The following HMGCLL1 variants were observed in gnomAD, a reference collection of about 807,000 sequenced individuals.
HMGCLL1 encodes the protein 3-hydroxymethyl-3-methylglutaryl-CoA lyase, cytoplasmic.
In HMGCLL1, 36 loss-of-function variants were observed where a neutral mutation model predicts 39.1. The observed-to-expected ratio is 0.92, with a 90% CI of 0.71 to 1.22. The LOEUF (loss-of-function observed/expected upper bound fraction) is 1.22. Ranked by LOEUF, HMGCLL1 falls within the 50% of genes most tolerant of loss-of-function variation. The pLI is 0.00. For synonymous variants in HMGCLL1, 149 were observed against 144.0 expected (o/e 1.03, Z -0.25); for missense variants, 451 against 416.5 (o/e 1.08, Z -0.72).
the HMGCLL1 span, among the ~76,000 whole-genome samples, chr6:55,609,554 G>A: frequency 2.6e-5 from 4 of 152,104 alleles, no homozygotes. Flanking sequence ...AGGAGAAGGG[G>A]TAACCATAGC....
intron 3 of HMGCLL1, among the ~76,000 whole-genome samples, chr6:55,533,251 T>C (rs1198420530): frequency 6.6e-6 from 1 of 151,010 alleles, no homozygotes. Context: ...GTATCCAAAA[T>C]ATGTACTATT....
intron 7 of HMGCLL1, among the ~76,000 whole-genome samples, chr6:55,490,725 T>A (rs902345830): frequency 2.0e-5 from 3 of 152,160 alleles, no homozygotes; most frequent in Non-Finnish European, 2.9e-5. Flanking sequence ...AACAGCTTTT[T>A]CCAACTATCC....
chr6:55,635,825 A>G, the HMGCLL1 span, among the ~76,000 whole-genome samples: 5 of 152,192 alleles, frequency 3.3e-5, no homozygotes, highest in Admixed American at 3.3e-4. Flanking sequence ...CTGAACACAA[A>G]GAATAGTGAC....
chr6:55,464,668 G>A (rs1764722775), intron 7 of HMGCLL1, among the ~76,000 whole-genome samples: 1 of 152,052 alleles, frequency 6.6e-6, no homozygotes. Context: ...ACCAGTTTAA[G>A]AGATTTGACA....
At position 55,499,310 on chromosome 6, in the gene HMGCLL1, A is replaced by C. The variant is rs768333394; in HGVS notation, c.543-11T>G. The C allele has an allele frequency of 1.3e-6, 2 of 1,585,514 alleles. No individual in the cohort carries two copies. The highest frequency in any genetic ancestry group is 2.3e-5 in the East Asian group (1 of 44,192). ...GCACAAGACACATACCTAAATTAAA[A>C]ATACAGCCTTATAAATATGCATATG... is the stretch of plus-strand genomic sequence containing the variant. On this transcript the variant is annotated splice_polypyrimidine_tract_variant and intron_variant, in intron 5 of 8. Transcript: ENST00000274901.
At chr6:55,629,263 T>C in the HMGCLL1 span, among the ~76,000 whole-genome samples, 11 of 152,320 alleles carry the variant, frequency 7.2e-5, no homozygotes, top group African/African-American at 2.6e-4. Flanking sequence ...AAGGTGACTC[T>C]TGTTATGTTC....
intron 7 of HMGCLL1, among the ~76,000 whole-genome samples, chr6:55,481,214 TA>T (rs1037172102): frequency 7.2e-5 from 11 of 151,790 alleles, no homozygotes; most frequent in Non-Finnish European, 1.6e-4. Context: ...ACCCTGTCTC[TA>T]AAAAAATACA....
At chr6:55,445,539 G>A (rs1303919630) in intron 7 of HMGCLL1, among the ~76,000 whole-genome samples, 1 of 151,912 alleles carries the variant, frequency 6.6e-6, no homozygotes, top group African/African-American at 2.4e-5. Context: ...AGGCCACTTA[G>A]CTAATTTTCC....
At chr6:55,547,062 CA>C (rs1400763303) in intron 1 of HMGCLL1, among the ~76,000 whole-genome samples, 2 of 152,120 alleles carry the variant, frequency 1.3e-5, no homozygotes, top group South Asian at 2.1e-4. Flanking sequence ...GTGAGGTAGG[CA>C]GACCTGAAAG....
At chr6:55,667,909 A>T in the HMGCLL1 span, among the ~76,000 whole-genome samples, 7,951 of 149,150 alleles carry the variant, frequency 0.053, 340 homozygotes, top group Non-Finnish European at 0.076. Flanking sequence ...TTTTTTTTTT[A>T]TTTTTTGATT....
At chr6:55,641,838 C>T in the HMGCLL1 span, among the ~76,000 whole-genome samples, 1 of 147,170 alleles carries the variant, frequency 6.8e-6, no homozygotes, top group Non-Finnish European at 1.5e-5. Flanking sequence ...AGGTATTTCA[C>T]ATTCCCTCAT....
intron 1 of HMGCLL1, among the ~76,000 whole-genome samples, chr6:55,553,214 T>C (rs1454242355): frequency 5.0e-5 from 7 of 139,550 alleles, no homozygotes; most frequent in East Asian, 4.3e-4. Context: ...TACACACACA[T>C]ATATGTATAT....
the HMGCLL1 span, among the ~76,000 whole-genome samples, chr6:55,676,205 GAACA>G: frequency 6.6e-6 from 1 of 151,896 alleles, no homozygotes; most frequent in Admixed American, 6.6e-5. Flanking sequence ...GCACATCACA[GAACA>G]AACACTCTTA....
chr6:55,536,336 C>T (rs1024151520), intron 3 of HMGCLL1, among the ~76,000 whole-genome samples: 2 of 152,124 alleles, frequency 1.3e-5, no homozygotes, highest in African/African-American at 4.8e-5. Context: ...TTGCCTATGG[C>T]ATACATAAAT....
chr6:55,571,369 T>G (rs1417123277), intron 1 of HMGCLL1, among the ~76,000 whole-genome samples: 2 of 152,208 alleles, frequency 1.3e-5, no homozygotes, highest in Admixed American at 1.3e-4. Context: ...ATTCATTCTT[T>G]AAAATATATA....
At chr6:55,530,068 G>C (rs1238203201) in intron 3 of HMGCLL1, among the ~76,000 whole-genome samples, 1 of 85,106 alleles carries the variant, frequency 1.2e-5, no homozygotes, top group Non-Finnish European at 2.9e-5. Flanking sequence ...GGATCTGGTG[G>C]GGGGTTGGGG....
chr6:55,541,658 CACAG>C (rs1306040742), intron 3 of HMGCLL1, 67 bp downstream of exon 3: 2 of 736,216 alleles, frequency 2.7e-6, no homozygotes, highest in Admixed American at 2.5e-5. Flanking sequence ...AAGTTAATAT[CACAG>C]TATTTACCAA....
the HMGCLL1 span, among the ~76,000 whole-genome samples, chr6:55,585,025 T>C: frequency 1.3e-5 from 2 of 152,080 alleles, no homozygotes; most frequent in Non-Finnish European, 2.9e-5. Flanking sequence ...ACATATGTTA[T>C]ATCTGGCTGA....
At chr6:55,633,803 G>T in the HMGCLL1 span, among the ~76,000 whole-genome samples, 1 of 152,004 alleles carries the variant, frequency 6.6e-6, no homozygotes, top group Non-Finnish European at 1.5e-5. Flanking sequence ...GCATGTACAA[G>T]TCTAAAAAAT....
Sources: allele counts gnomAD v4.1 joint callset (sites outside exome capture counted in the v4.1 genomes callset), GRCh38; gene constraint gnomAD v4.1.1; transcripts MANE v1.5; gene names NCBI Gene and HGNC (gene_info 2026-07-23, HGNC 2026-07-21).